The following PCDH9 variants were observed in gnomAD, a reference collection of about 807,000 sequenced individuals.
PCDH9 encodes protocadherin-9.
A neutral mutation model predicts 70.6 loss-of-function variants in PCDH9; 24 were observed. That is an observed-to-expected ratio of 0.34 (90% confidence interval 0.25 to 0.48). The LOEUF (loss-of-function observed/expected upper bound fraction) is 0.48. Among genes scored for constraint, PCDH9 ranks in the 20% least tolerant of loss-of-function variants. PCDH9 has a pLI of 0.99. For missense variants in PCDH9, 1,281 were observed against 1,503.6 expected (o/e 0.85, Z 2.45); for synonymous variants, 562 against 558.5 (o/e 1.01, Z -0.09).
chr13:66,887,961 T>C (rs1032134158), intron 3 of PCDH9, among the ~76,000 whole-genome samples: 2 of 152,214 alleles, frequency 1.3e-5, no homozygotes, highest in Non-Finnish European at 2.9e-5. Flanking sequence ...CATTGTTATA[T>C]AGGTAGTTTT....
intron 4 of PCDH9, among the ~76,000 whole-genome samples, chr13:66,478,127 G>A (rs1406889418): frequency 6.6e-6 from 1 of 152,090 alleles, no homozygotes; most frequent in African/African-American, 2.4e-5. Context: ...TATTATCTCT[G>A]TTATGGTGAC....
intron 3 of PCDH9, among the ~76,000 whole-genome samples, chr13:66,670,249 A>C (rs1160781891): frequency 6.6e-6 from 1 of 152,208 alleles, no homozygotes; most frequent in East Asian, 1.9e-4. Flanking sequence ...GGTTTCAGTC[A>C]ATATTTGCAG....
intron 2 of PCDH9, among the ~76,000 whole-genome samples, chr13:67,067,309 CAAGA>C (rs2085666882): frequency 6.6e-6 from 1 of 152,072 alleles, no homozygotes; most frequent in African/African-American, 2.4e-5. Flanking sequence ...TTACTAGTGA[CAAGA>C]AATAGGCAAA....
intron 3 of PCDH9, among the ~76,000 whole-genome samples, chr13:66,637,550 A>C (rs927451884): frequency 6.6e-6 from 1 of 152,202 alleles, no homozygotes; most frequent in Non-Finnish European, 1.5e-5. Flanking sequence ...GTTTATTGGA[A>C]GTACTTATGT....
At chr13:66,819,655 T>A (rs1409999558) in intron 3 of PCDH9, among the ~76,000 whole-genome samples, 1 of 152,104 alleles carries the variant, frequency 6.6e-6, no homozygotes, top group Non-Finnish European at 1.5e-5. Flanking sequence ...TTGGGGAAGC[T>A]TAGGCGAGAG....
intron 2 of PCDH9, among the ~76,000 whole-genome samples, chr13:66,991,808 G>C (rs1361597749): frequency 1.3e-5 from 2 of 151,992 alleles, no homozygotes; most frequent in African/African-American, 4.8e-5. Context: ...TTCAATGAAG[G>C]ATACTAATAA....
chr13:66,330,680 T>TA (rs1193984582), intron 4 of PCDH9, among the ~76,000 whole-genome samples: 1 of 152,202 alleles, frequency 6.6e-6, no homozygotes, highest in Non-Finnish European at 1.5e-5. Context: ...ATAGTAGAGT[T>TA]AAAATATAGA....
intron 3 of PCDH9, among the ~76,000 whole-genome samples, chr13:66,751,286 T>C (rs1246097132): frequency 1.3e-5 from 2 of 152,158 alleles, no homozygotes; most frequent in Non-Finnish European, 2.9e-5. Context: ...TATTTCTTTT[T>C]GGATCTCCCA....
intron 4 of PCDH9, among the ~76,000 whole-genome samples, chr13:66,308,853 AGTCTCTAGACCG>A (rs559882226): frequency 4.2e-4 from 64 of 152,112 alleles, no homozygotes; most frequent in African/African-American, 1.5e-3. Context: ...GAAACTGACC[AGTCTCTAGACCG>A]GGGCTCAAAA....
intron 2 of PCDH9, among the ~76,000 whole-genome samples, chr13:66,981,458 A>G (rs991443213): frequency 6.6e-6 from 1 of 151,574 alleles, no homozygotes; most frequent in Non-Finnish European, 1.5e-5. Flanking sequence ...AAAAAGAAAA[A>G]AAAAGTAAAA....
chr13:66,465,595 C>G (rs1377399498), intron 4 of PCDH9, among the ~76,000 whole-genome samples: 5 of 151,768 alleles, frequency 3.3e-5, no homozygotes, highest in African/African-American at 1.2e-4. Flanking sequence ...CTTAAACTAA[C>G]CACAGCATTT....
At position 67,226,037 on chromosome 13, in the gene PCDH9, C is replaced by T; in HGVS notation, c.2404G>A (p.Asp802Asn). 1.2e-6 allele frequency: 2 copies of T among 1,614,024 alleles called. No individual in the cohort carries two copies. Among genetic ancestry groups the T allele is most frequent in the East Asian group, 2.2e-5 (1 of 44,862 alleles). Residue 802 changes from aspartate (D) to asparagine (N), a missense_variant, in exon 2 of 5, where the codon GAT (aspartate) becomes AAT (asparagine). Physicochemically the swap from Asp to Asn is conservative, Grantham distance 23 (BLOSUM62 1). Transcript: ENST00000377865. This position sits in a 1 kb window ranked among gnomAD's most constrained non-coding sequence, Gnocchi z 5.0. ...METPLDRNIG[D>N]SSQPYQNEDY... Reference sequence around the variant, plus strand: ...TCATTTTGATAGGGTTGGCTACTATCCCCTATGTTCCTGTCCAACGGGGTC... The same window carrying T: ...TCATTTTGATAGGGTTGGCTACTATTCCCTATGTTCCTGTCCAACGGGGTC...
chr13:66,868,883 A>C lies in PCDH9; in HGVS notation c.3138+34621T>G, dbSNP rs35895603. On this transcript the variant is annotated intron_variant, in intron 3 of 4. Coordinates refer to ENST00000377865, the MANE Select transcript of PCDH9 (RefSeq NM_203487.3). ...AATTGTAGTTTTAAAACGTGAGAAA[A>C]ATATGATTATCTTTGAGTAACTTAC... Among the ~76,000 whole-genome samples, 649 of 152,248 alleles carry C rather than the reference A, an allele frequency of 4.3e-3. 1 individual carries two copies. The highest frequency in any genetic ancestry group is 6.4e-3 in the Non-Finnish European group (433 of 67,972).
At chr13:66,808,292 T>A (rs1350256174) in intron 3 of PCDH9, among the ~76,000 whole-genome samples, 3 of 152,162 alleles carry the variant, frequency 2.0e-5, no homozygotes, top group Non-Finnish European at 4.4e-5. Flanking sequence ...AATTATTTTC[T>A]GAGTTTGATA....
At chr13:66,588,410 T>A (rs1754215834) in intron 4 of PCDH9, among the ~76,000 whole-genome samples, 1 of 152,004 alleles carries the variant, frequency 6.6e-6, no homozygotes, top group South Asian at 2.1e-4. Flanking sequence ...TGCCACCATC[T>A]CATTTATGAA....
intron 3 of PCDH9, among the ~76,000 whole-genome samples, chr13:66,713,623 GTGTATATATATATA>G (rs1012765174): frequency 0.018 from 1,667 of 93,022 alleles, 56 homozygotes; most frequent in Middle Eastern, 0.038. Context: ...GTGTGTGTGT[GTGTATATATATATA>G]TATATATATA....
chr13:66,659,758 A>C (rs901291584), intron 3 of PCDH9, among the ~76,000 whole-genome samples: 8 of 151,348 alleles, frequency 5.3e-5, no homozygotes, highest in African/African-American at 1.9e-4. Flanking sequence ...TTCTCAACTT[A>C]ACTCCACCCA....
intron 2 of PCDH9, among the ~76,000 whole-genome samples, chr13:67,171,260 T>C (rs1018035270): frequency 1.3e-5 from 2 of 152,168 alleles, no homozygotes; most frequent in Non-Finnish European, 2.9e-5. Context: ...AAATAGGGTA[T>C]CTACAGTAAG....
chr13:66,651,292 C>T (rs895270543), intron 3 of PCDH9, among the ~76,000 whole-genome samples: 1 of 151,588 alleles, frequency 6.6e-6, no homozygotes, highest in Non-Finnish European at 1.5e-5. Flanking sequence ...AGAGAGAAGA[C>T]CCAAATAAAT....
Sources: allele counts gnomAD v4.1 joint callset (sites outside exome capture counted in the v4.1 genomes callset), GRCh38; gene constraint gnomAD v4.1.1; non-coding constraint Gnocchi (gnomAD v3.1); transcripts MANE v1.5; gene names NCBI Gene and HGNC (gene_info 2026-07-23, HGNC 2026-07-21).